The following SV2B variants were observed in gnomAD, a reference collection of about 807,000 sequenced individuals.
SV2B encodes the protein solute carrier family 22 member B2.
In SV2B, 41 loss-of-function variants were observed where a neutral mutation model predicts 73.9. The observed-to-expected ratio is 0.56, with a 90% CI of 0.43 to 0.72. The LOEUF is 0.72. SV2B is among the 30% of genes least tolerant of loss of function. The pLI is 0.00. For missense variants in SV2B, 764 were observed against 857.8 expected (o/e 0.89, Z 1.37); for synonymous variants, 314 against 314.2 (o/e 1.00, Z 0.01).
At chr15:91,279,822 T>G (rs1432688976) in intron 9 of SV2B, among the ~76,000 whole-genome samples, 1 of 152,230 alleles carries the variant, frequency 6.6e-6, no homozygotes, top group African/African-American at 2.4e-5. Flanking sequence ...CACGTCTAGC[T>G]TATACATTTT....
intron 10 of SV2B, among the ~76,000 whole-genome samples, 169 bp downstream of exon 10, chr15:91,282,030 G>C (rs979815187): frequency 2.0e-5 from 3 of 152,196 alleles, no homozygotes; most frequent in African/African-American, 7.2e-5. Context: ...GCACAAATTA[G>C]GTGCACAGCC....
At chr15:91,126,612 A>T (rs1324809532) in intron 1 of SV2B, among the ~76,000 whole-genome samples, 1 of 152,212 alleles carries the variant, frequency 6.6e-6, no homozygotes, top group East Asian at 1.9e-4. Context: ...CCTCAAGAAA[A>T]ATACTAGCAA....
intron 1 of SV2B, among the ~76,000 whole-genome samples, chr15:91,125,354 C>A (rs142797658): frequency 0.021 from 3,137 of 152,230 alleles, 50 homozygotes; most frequent in Middle Eastern, 0.065. Context: ...GGGTACTGCA[C>A]TCATGACGTC....
intron 11 of SV2B, among the ~76,000 whole-genome samples, chr15:91,287,218 A>C (rs2048889405): frequency 6.6e-6 from 1 of 152,156 alleles, no homozygotes; most frequent in African/African-American, 2.4e-5. Flanking sequence ...GATTGGCACT[A>C]GTCTTGCAGC....
At position 91,129,485 on chromosome 15, in the gene SV2B, G is replaced by A. The variant is rs900341638; in HGVS notation, c.-392+29122G>A. On this transcript the variant is annotated intron_variant, in intron 1 of 12. Coordinates refer to ENST00000394232, the MANE Select transcript of SV2B (RefSeq NM_001323032.3). This position sits in a 1 kb window ranked among gnomAD's most constrained non-coding sequence, Gnocchi z 5.1. The stretch of plus-strand genomic sequence containing the variant: ...GGGGATCAGCAAAGATGTATGTCTT[G>A]GAAAAGCCCAGAACCGGAGTATGGC... Among the ~76,000 whole-genome samples the A allele has an allele frequency of 6.6e-6, 1 of 152,164 alleles. No homozygotes were observed. Among genetic ancestry groups the A allele is most frequent in the Non-Finnish European group, 1.5e-5 (1 of 68,018 alleles).
intron 1 of SV2B, among the ~76,000 whole-genome samples, chr15:91,180,702 G>T (rs1208226576): frequency 6.6e-6 from 1 of 152,198 alleles, no homozygotes; most frequent in Non-Finnish European, 1.5e-5. Context: ...TGAGGCTTCT[G>T]CATTCTTCAC....
At chr15:91,251,737 A>T in intron 2 of SV2B, 82 bp from the exon 3 acceptor site, 2 of 1,405,246 alleles carry the variant, frequency 1.4e-6, no homozygotes, top group Non-Finnish European at 1.9e-6. Flanking sequence ...AATAAAAATG[A>T]ACATTGTATT....
intron 1 of SV2B, among the ~76,000 whole-genome samples, chr15:91,143,082 G>T (rs72764740): frequency 6.6e-6 from 1 of 151,984 alleles, no homozygotes; most frequent in African/African-American, 2.4e-5. Flanking sequence ...TGTTTCCCAA[G>T]TGTTGGTGCT....
intron 1 of SV2B, among the ~76,000 whole-genome samples, chr15:91,206,662 G>A (rs900010870): frequency 1.3e-5 from 2 of 152,140 alleles, no homozygotes; most frequent in African/African-American, 4.8e-5. Context: ...GTGGGGTTTG[G>A]GGTGGGTGTC....
intron 1 of SV2B, among the ~76,000 whole-genome samples, chr15:91,173,252 G>A (rs1017959770): frequency 6.6e-6 from 1 of 152,176 alleles, no homozygotes; most frequent in African/African-American, 2.4e-5. Flanking sequence ...GAGAGAAGCC[G>A]ATAAAGCTGG....
intron 1 of SV2B, among the ~76,000 whole-genome samples, chr15:91,219,783 C>T (rs2046156512): frequency 6.6e-6 from 1 of 152,196 alleles, no homozygotes; most frequent in East Asian, 1.9e-4. Context: ...TACTTACAAT[C>T]ATTCCCCACT....
intron 1 of SV2B, among the ~76,000 whole-genome samples, chr15:91,134,959 G>C (rs80160059): frequency 0.032 from 4,896 of 151,116 alleles, 267 homozygotes; most frequent in African/African-American, 0.11. Flanking sequence ...TTTCTGCTCA[G>C]ATGTTTCTGG....
At chr15:91,208,125 G>A (rs549204231) in intron 1 of SV2B, among the ~76,000 whole-genome samples, 3 of 152,200 alleles carry the variant, frequency 2.0e-5, no homozygotes, top group East Asian at 3.9e-4. Context: ...CATCAATATC[G>A]ACAGTCTCAC....
rs1271033143 is a variant in SV2B, at chr15:91,245,192, C to A, written c.452-6627C>A. Among the ~76,000 whole-genome samples, 1 of 152,172 alleles carries A rather than the reference C, an allele frequency of 6.6e-6. No homozygotes were observed. Among genetic ancestry groups the A allele is most frequent in the Non-Finnish European group, 1.5e-5 (1 of 68,038 alleles). ...AGAAGAGGTTTCTGATATCTGCCAG[C>A]TCTCTAGAAGGATATTTGGCATTGT... On this transcript the variant is annotated intron_variant, in intron 2 of 12. Coordinates refer to ENST00000394232, the MANE Select transcript of SV2B (RefSeq NM_001323032.3). The surrounding 1 kb of genome is among the most constrained non-coding windows in gnomAD (Gnocchi z 4.2).
intron 4 of SV2B, among the ~76,000 whole-genome samples, chr15:91,254,588 A>G (rs1046224833): frequency 3.9e-5 from 6 of 152,184 alleles, no homozygotes; most frequent in African/African-American, 1.4e-4. Context: ...GAGGGAAGCA[A>G]CTGAAATCTA....
intron 1 of SV2B, among the ~76,000 whole-genome samples, chr15:91,190,367 A>G (rs996694138): frequency 6.6e-6 from 1 of 150,628 alleles, no homozygotes; most frequent in Non-Finnish European, 1.5e-5. Flanking sequence ...TTCTTGCATA[A>G]TTGTCTTCTT....
At chr15:91,202,411 G>A (rs2045491158) in intron 1 of SV2B, among the ~76,000 whole-genome samples, 1 of 152,178 alleles carries the variant, frequency 6.6e-6, no homozygotes, top group South Asian at 2.1e-4. Context: ...CTCTGTATTA[G>A]TCACTATTAT....
intron 1 of SV2B, among the ~76,000 whole-genome samples, chr15:91,145,260 C>A (rs2043114234): frequency 6.6e-6 from 1 of 152,152 alleles, no homozygotes; most frequent in Non-Finnish European, 1.5e-5. Context: ...TCTATTCCTG[C>A]ATTAGTTTGC....
chr15:91,109,431 C>G (rs1299058160), intron 1 of SV2B, among the ~76,000 whole-genome samples: 6 of 152,164 alleles, frequency 3.9e-5, no homozygotes, highest in Non-Finnish European at 5.9e-5. Flanking sequence ...CAAAACTCAC[C>G]TAGGTGTGAT....
Sources: gnomAD v4.1 joint callset for allele counts (sites outside exome capture counted in the v4.1 genomes callset) on GRCh38, gnomAD v4.1.1 for gene constraint, Gnocchi (gnomAD v3.1) non-coding constraint, MANE v1.5 for transcripts, NCBI Gene and HGNC (gene_info 2026-07-23, HGNC 2026-07-21) for gene names.